PLCB1: variants seen among roughly 807,000 people sequenced by gnomAD.
PLCB1 encodes the protein 1-phosphatidylinositol 4,5-bisphosphate phosphodiesterase beta-1.
In PLCB1, 46 loss-of-function variants were observed where a neutral mutation model predicts 161.8. The observed-to-expected ratio is 0.28, with a 90% confidence interval of 0.22 to 0.36. The LOEUF (loss-of-function observed/expected upper bound fraction) is 0.36, where lower values mean the gene tolerates loss of function less well. Ranked by LOEUF, PLCB1 falls within the 10% of genes least tolerant of loss-of-function variation. PLCB1 has a pLI of 1.00. For missense variants in PLCB1, 1,016 were observed against 1,472.5 expected, an observed-to-expected ratio of 0.69 and a Z score of 5.07; for synonymous variants, 517 against 503.7, an observed-to-expected ratio of 1.03 and a Z score of -0.35.
rs552816054 is a variant in PLCB1, at chr20:8,317,378, ACATC to A, written c.178-54001_178-53998del. The stretch of plus-strand genomic sequence containing the variant: ...GTTTGGGTCATTATTTATTTTAGCA[ACATC>A]CACCATCATAGATTGTGAGCCCCAT... On this transcript the variant is annotated intron_variant, in intron 2 of 31. Transcript: ENST00000338037. Among the ~76,000 whole-genome samples the A allele has an allele frequency of 3.2e-4, 49 of 152,172 alleles. 1 individual carries two copies. The South Asian group carries it at 1.0e-2, about 31-fold the overall frequency.
intron 2 of PLCB1, among the ~76,000 whole-genome samples, chr20:8,157,359 T>C (rs2051572880): frequency 1.3e-5 from 2 of 152,182 alleles, no homozygotes; most frequent in African/African-American, 2.4e-5. Flanking sequence ...AGATAGTCAC[T>C]TTAGGATTGT....
intron 3 of PLCB1, among the ~76,000 whole-genome samples, chr20:8,489,404 A>G (rs1216875507): frequency 6.6e-6 from 1 of 152,210 alleles, no homozygotes; most frequent in Non-Finnish European, 1.5e-5. Context: ...AAAATATTTC[A>G]GCTCAATGAC....
At chr20:8,311,630 A>T (rs1279075879) in intron 2 of PLCB1, among the ~76,000 whole-genome samples, 1 of 152,200 alleles carries the variant, frequency 6.6e-6, no homozygotes, top group Admixed American at 6.5e-5. Context: ...TTTGTCAGAC[A>T]TTGGCATGTC....
chr20:8,145,333 C>A (rs141468366), intron 1 of PLCB1, among the ~76,000 whole-genome samples: 207 of 152,236 alleles, frequency 1.4e-3, no homozygotes, highest in African/African-American at 4.9e-3. Context: ...CACTCTAAGG[C>A]CTCCTTTTAA....
intron 3 of PLCB1, among the ~76,000 whole-genome samples, chr20:8,441,039 G>A (rs1466244755): frequency 3.3e-5 from 5 of 152,094 alleles, no homozygotes; most frequent in South Asian, 2.1e-4. Context: ...CTTTACTCTC[G>A]TCATTCAACG....
At chr20:8,246,574 G>T (rs560447939) in intron 2 of PLCB1, among the ~76,000 whole-genome samples, 3 of 152,014 alleles carry the variant, frequency 2.0e-5, no homozygotes, top group Admixed American at 6.6e-5. Context: ...ATTACTACCA[G>T]GACACATAGC....
chr20:8,792,724 A>G (rs1389106135), intron 31 of PLCB1: 1 of 441,732 alleles, frequency 2.3e-6, no homozygotes, highest in Non-Finnish European at 4.6e-6. Flanking sequence ...GTTTTTCTTC[A>G]TGGCTTAAAA....
intron 2 of PLCB1, among the ~76,000 whole-genome samples, chr20:8,240,576 G>A (rs1370371073): frequency 1.3e-5 from 2 of 151,660 alleles, no homozygotes. Context: ...ACACCTCCTT[G>A]TGCATAAGTA....
chr20:8,455,817 A>G (rs918065375), intron 3 of PLCB1, among the ~76,000 whole-genome samples: 10 of 152,196 alleles, frequency 6.6e-5, no homozygotes, highest in Admixed American at 2.0e-4. Context: ...CTCACTCCCC[A>G]GCGTCACACA....
chr20:8,807,168 GT>G (rs1169416860), intron 31 of PLCB1, among the ~76,000 whole-genome samples: 2 of 152,136 alleles, frequency 1.3e-5, no homozygotes, highest in Non-Finnish European at 2.9e-5. Context: ...AAAGTCGGAA[GT>G]TTGTCACTGA....
chr20:8,792,587 G>C (rs1209814396), intron 31 of PLCB1: 3 of 471,120 alleles, frequency 6.4e-6, no homozygotes, highest in Non-Finnish European at 1.3e-5. Flanking sequence ...TTGTAAATAG[G>C]TACCATGATG....
chr20:8,457,749 T>C (rs944983891), intron 3 of PLCB1, among the ~76,000 whole-genome samples: 2 of 120,430 alleles, frequency 1.7e-5, no homozygotes, highest in Admixed American at 1.7e-4. Context: ...CACACACACG[T>C]ACACACCATC....
intron 3 of PLCB1, among the ~76,000 whole-genome samples, chr20:8,491,718 TA>T (rs1210234160): frequency 6.6e-6 from 1 of 152,140 alleles, no homozygotes; most frequent in Non-Finnish European, 1.5e-5. Flanking sequence ...CAAATTGCCT[TA>T]ATCTTCCTGG....
intron 3 of PLCB1, among the ~76,000 whole-genome samples, chr20:8,458,151 C>T (rs1981411072): frequency 6.6e-6 from 1 of 152,128 alleles, no homozygotes; most frequent in African/African-American, 2.4e-5. Flanking sequence ...CCGGTTGATT[C>T]TGAGTTGAAA....
intron 2 of PLCB1, among the ~76,000 whole-genome samples, chr20:8,302,534 T>C (rs899202465): frequency 1.3e-5 from 2 of 152,234 alleles, no homozygotes; most frequent in African/African-American, 4.8e-5. Context: ...TGTTGTGCTT[T>C]AGCTATTTAA....
chr20:8,769,584 A>G (rs888288844), intron 26 of PLCB1, among the ~76,000 whole-genome samples: 1 of 152,226 alleles, frequency 6.6e-6, no homozygotes. Flanking sequence ...AGGAAATCTT[A>G]TGTAGAATTG....
chr20:8,722,512 C>A, intron 15 of PLCB1, 91 bp downstream of exon 15: 2 of 825,090 alleles, frequency 2.4e-6, no homozygotes, highest in Non-Finnish European at 3.6e-6. Context: ...CATCTAGTGG[C>A]AAAAAGTAGA....
At chr20:8,551,844 G>A (rs531282914) in intron 3 of PLCB1, among the ~76,000 whole-genome samples, 51 of 152,124 alleles carry the variant, frequency 3.4e-4, no homozygotes, top group African/African-American at 1.2e-3. Context: ...TAGAACTCTT[G>A]TCTCAGGCTT....
chr20:8,815,849 A>G (rs1003731449), intron 31 of PLCB1, among the ~76,000 whole-genome samples: 3 of 152,234 alleles, frequency 2.0e-5, no homozygotes, highest in African/African-American at 7.2e-5. Flanking sequence ...GTTTTCCTCT[A>G]TAGCATCAAT....
Sources: allele counts gnomAD v4.1 joint callset (sites outside exome capture counted in the v4.1 genomes callset), GRCh38; gene constraint gnomAD v4.1.1; transcripts MANE v1.5; gene names NCBI Gene and HGNC (gene_info 2026-07-23, HGNC 2026-07-21).